The following TTC22 variants were observed in gnomAD, a reference collection of about 807,000 sequenced individuals.
The protein encoded by TTC22 is tetratricopeptide repeat domain 22.
Under a neutral mutation model 48.2 loss-of-function variants are expected in TTC22, and 42 were observed. The ratio of observed to expected loss-of-function variants is 0.87; its 90% CI spans 0.68 to 1.13. The LOEUF (loss-of-function observed/expected upper bound fraction) is 1.13, where lower values mean the gene tolerates loss of function less well. Among genes scored for constraint, TTC22 ranks in the 50% most tolerant of loss-of-function variants. The pLI is 0.00. For synonymous variants in TTC22, 345 were observed against 365.5 expected (o/e 0.94, Z 0.64); for missense variants, 784 against 807.0 (o/e 0.97, Z 0.34).
At chr1:54,792,740 G>A (rs973317978) in intron 1 of TTC22, 3 of 152,168 alleles carry the variant, frequency 2.0e-5, no homozygotes, top group African/African-American at 7.2e-5. Flanking sequence ...GCTCTGGACT[G>A]TCTCTTTAAA....
In TTC22 at chr1:54,782,393, C is replaced by G. The variant is rs1646269845; in HGVS notation, c.1105G>C (p.Ala369Pro). 1 of 1,551,340 alleles carries G rather than the reference C, an allele frequency of 6.4e-7. No individual in the cohort carries two copies. The highest frequency in any genetic ancestry group is 1.4e-5 in the African/African-American group (1 of 73,054). Reference sequence around the variant, plus strand: ...ACCACTTCCTCAAGGTCAGCCTTGGCACAGGCCAGGTGGTTCCTGTCAGGC... The same window carrying G: ...ACCACTTCCTCAAGGTCAGCCTTGGGACAGGCCAGGTGGTTCCTGTCAGGC... Reference protein sequence around the residue: ...GMPDRNHLACAKADLEEVVRV... With the variant: ...GMPDRNHLACPKADLEEVVRV... The change falls in exon 6 of 7, where the codon GCC becomes CCC. Residue 369 changes from alanine (A) to proline (P), a missense_variant. By Grantham distance (27) the Ala-to-Pro change is conservative (BLOSUM62 -1). Transcript: ENST00000371276.
At position 54,787,076 on chromosome 1, in the gene TTC22, C is replaced by A; in HGVS notation, c.740-1G>T. 1.3e-6 allele frequency: 2 copies of A among 1,494,464 alleles called. No homozygotes were observed. The highest frequency in any genetic ancestry group is 9.0e-7 in the Non-Finnish European group (1 of 1,113,976). 92.6% of individuals were successfully genotyped at this position (1,494,464 alleles called of 1,614,324 possible). ...ATCCCGAGGTAGCACCAGGCCAGGG[C>A]TGGGGGTGAAGGGTGGGAGAGGGTC... On this transcript the variant is annotated splice_acceptor_variant, in intron 3 of 6. Transcript: ENST00000371276. LOFTEE classifies it high-confidence loss of function.
At chr1:54,790,361 C>T (rs1405925103) in intron 1 of TTC22, among the ~76,000 whole-genome samples, 1 of 152,048 alleles carries the variant, frequency 6.6e-6, no homozygotes, top group African/African-American at 2.4e-5. Flanking sequence ...GCCAGGGCAA[C>T]AAAGTGAGAC....
intron 1 of TTC22, among the ~76,000 whole-genome samples, chr1:54,798,994 T>C (rs1646412503): frequency 6.6e-6 from 1 of 152,214 alleles, no homozygotes; most frequent in Non-Finnish European, 1.5e-5. Context: ...TCATCCTGCC[T>C]GCAACTATTT....
chr1:54,789,311 T>C (rs867352761), intron 1 of TTC22, among the ~76,000 whole-genome samples: 2 of 151,622 alleles, frequency 1.3e-5, no homozygotes, highest in Middle Eastern at 3.2e-3. Context: ...TTAAGGAGGG[T>C]CTTGGGTCAT....
At chr1:54,800,045 G>C (rs942383151) in intron 1 of TTC22, among the ~76,000 whole-genome samples, 2 of 152,170 alleles carry the variant, frequency 1.3e-5, no homozygotes, top group African/African-American at 4.8e-5. Flanking sequence ...CCTGCATGCT[G>C]TCCTTAAGTC....
Position 54,788,111 on chromosome 1 carries a change from G to A in TTC22, c.568-14C>T, listed in dbSNP as rs751919936. ...CTCCATCGGGATCTAGGGAAACAGA[G>A]AACAGCCCACACTGCCATTACTGAG... is the stretch of plus-strand genomic sequence containing the variant. On this transcript the variant is annotated splice_polypyrimidine_tract_variant and intron_variant, in intron 1 of 6. Coordinates refer to ENST00000371276, the MANE Select transcript of TTC22 (RefSeq NM_001114108.2). 1 of 1,613,580 alleles carries A rather than the reference G, an allele frequency of 6.2e-7. No homozygotes were observed. The highest frequency in any genetic ancestry group is 1.1e-5 in the South Asian group (1 of 91,066).
At chr1:54,789,010 A>T (rs957841808) in intron 1 of TTC22, among the ~76,000 whole-genome samples, 4 of 152,186 alleles carry the variant, frequency 2.6e-5, no homozygotes, top group African/African-American at 9.7e-5. Flanking sequence ...CAGGATCCTG[A>T]CACCCATTTT....
chr1:54,782,832 C>T (rs1044463682), intron 5 of TTC22, among the ~76,000 whole-genome samples: 19 of 152,178 alleles, frequency 1.2e-4, no homozygotes, highest in Non-Finnish European at 5.9e-5. Context: ...CCTGCTCTGG[C>T]AGAACTTAAC....
Position 54,788,058 on chromosome 1 carries a change from C to T in TTC22, c.607G>A (p.Ala203Thr). ...EEKRGWYFTM[A>T]TLYIRLDGIF... ...TTGCCTGACCTGATGTAGAGTGTTGCCATGGTGAAATACCAGCCCCTTTTC... is the reference window on the plus strand; with the variant it reads ...TTGCCTGACCTGATGTAGAGTGTTGTCATGGTGAAATACCAGCCCCTTTTC... Residue 203 changes from alanine (A) to threonine (T), a missense_variant, in exon 2 of 7, where the codon GCA becomes ACA. By Grantham distance (58) the Ala-to-Thr change is moderately conservative (BLOSUM62 0). Transcript: ENST00000371276. The T allele has an allele frequency of 6.2e-7, 1 of 1,614,004 alleles. No homozygotes were observed. The highest frequency in any genetic ancestry group is 8.5e-7 in the Non-Finnish European group (1 of 1,179,954).
intron 1 of TTC22, among the ~76,000 whole-genome samples, chr1:54,792,030 G>T (rs1353872468): frequency 6.6e-6 from 1 of 152,054 alleles, no homozygotes. Context: ...GCGCACTGTT[G>T]ACTATTACTG....
At chr1:54,798,789 T>C (rs1039661234) in intron 1 of TTC22, among the ~76,000 whole-genome samples, 22 of 152,214 alleles carry the variant, frequency 1.4e-4, no homozygotes, top group Non-Finnish European at 2.9e-4. Flanking sequence ...TTCCAGTTTA[T>C]GGGCATTTTT....
At position 54,787,021 on chromosome 1, in the gene TTC22, G is replaced by C; in HGVS notation, c.794C>G (p.Thr265Ser). ...GCAGTCATGGACGCCCATGGGGGTG[G>C]TGGAGAAGGTGTCCTTCCGCTCCAG... Reference protein sequence around the residue: ...MLLERKDTFSTTPMGVHDCGY... With the variant: ...MLLERKDTFSSTPMGVHDCGY... The change falls in exon 4 of 7, where the codon ACC becomes AGC. Residue 265 changes from threonine (T) to serine (S), a missense_variant. By Grantham distance (58) the Thr-to-Ser change is moderately conservative. Coordinates refer to ENST00000371276, the MANE Select transcript of TTC22 (RefSeq NM_001114108.2). 1 of 1,560,540 alleles carries C rather than the reference G, an allele frequency of 6.4e-7. No homozygotes were observed. The highest frequency in any genetic ancestry group is 8.7e-7 in the Non-Finnish European group (1 of 1,153,648).
chr1:54,781,173 G>C lies in TTC22; in HGVS notation c.*70C>G. ...CAGCCTAAGGCAGGGAGTCCATCCG[G>C]ACCTGGTCCCATCAGCTGGGCGGGG... On this transcript the variant is annotated 3_prime_UTR_variant, in exon 7 of 7. Transcript: ENST00000371276. 8.5e-7 allele frequency: 1 copy of C among 1,176,248 alleles called. No homozygotes were observed. The highest frequency in any genetic ancestry group is 1.1e-6 in the Non-Finnish European group (1 of 897,060). 72.9% of individuals were successfully genotyped at this position (1,176,248 alleles called of 1,614,324 possible).
At chr1:54,799,226 G>T (rs1646414166) in intron 1 of TTC22, among the ~76,000 whole-genome samples, 1 of 152,192 alleles carries the variant, frequency 6.6e-6, no homozygotes, top group Admixed American at 6.5e-5. Context: ...CCTCCCTGGA[G>T]TGCTGGGCAC....
chr1:54,782,199 G>A, intron 6 of TTC22, 126 bp downstream of exon 6: 1 of 919,476 alleles, frequency 1.1e-6, no homozygotes, highest in Non-Finnish European at 1.6e-6. Flanking sequence ...ACGGCTGGAG[G>A]AGATGGGTAC....
rs779170336 is a variant in TTC22, at chr1:54,786,073, C to T, written c.930G>A (p.Lys310=). 1 of 1,613,954 alleles carries T rather than the reference C, an allele frequency of 6.2e-7. No homozygotes were observed. The highest frequency in any genetic ancestry group is 1.3e-5 in the African/African-American group (1 of 74,894). The change falls in exon 5 of 7, where the codon AAG becomes AAA. Residue 310 remains lysine, a synonymous_variant. Transcript: ENST00000371276. ...TGCAGGTTCCAATGGCCATATCCTG[C>T]TTTCCCAGGAAGTAGAAGATTTTTG... ...RLAKIFYFLG[K]QDMAIGTCNM...
rs202008208 is a variant in TTC22, at chr1:54,800,675, G to T, written c.489C>A (p.Cys163Ter). 43 of 1,550,526 alleles carry T rather than the reference G, an allele frequency of 2.8e-5. No homozygotes were observed. Among genetic ancestry groups the T allele is most frequent in the Middle Eastern group, 3.5e-4 (2 of 5,686 alleles). ...QGYAHGFDVG[C>*]ASPEERARGL... Reference sequence around the variant, plus strand: ...CCCGCGCACGCTCCTCTGGGCTGGCGCAGCCGACGTCGAAGCCATGCGCGT... The same window carrying T: ...CCCGCGCACGCTCCTCTGGGCTGGCTCAGCCGACGTCGAAGCCATGCGCGT... The change falls in exon 1 of 7, where the codon TGC becomes TGA. Residue 163 changes from cysteine to a stop codon, truncating the protein, a stop_gained. Coordinates refer to ENST00000371276, the MANE Select transcript of TTC22 (RefSeq NM_001114108.2). LOFTEE classifies it high-confidence loss of function.
chr1:54,781,228 C>T lies in TTC22; in HGVS notation c.*15G>A. On this transcript the variant is annotated 3_prime_UTR_variant, in exon 7 of 7. Coordinates refer to ENST00000371276, the MANE Select transcript of TTC22 (RefSeq NM_001114108.2). The stretch of plus-strand genomic sequence containing the variant: ...GGCGGGGTCCCAGGGAGCCTCCGGC[C>T]TGGGCACCTGAGCCCTAGAATGAGA... The T allele has an allele frequency of 7.0e-7, 1 of 1,429,792 alleles. No homozygotes were observed. The highest frequency in any genetic ancestry group is 9.1e-7 in the Non-Finnish European group (1 of 1,101,288). 88.6% of individuals were successfully genotyped at this position (1,429,792 alleles called of 1,614,324 possible). A position where few individuals can be genotyped will look rare whatever the true frequency, so the allele number is the denominator to read the frequency against.
Sources: allele counts gnomAD v4.1 joint callset (sites outside exome capture counted in the v4.1 genomes callset), GRCh38; gene constraint gnomAD v4.1.1; transcripts MANE v1.5; gene names NCBI Gene and HGNC (gene_info 2026-07-23, HGNC 2026-07-21).